ASTN2: variants seen among roughly 807,000 people sequenced by gnomAD.
ASTN2 encodes astrotactin 2, also known as astrotactin-2.
ASTN2 carries 54 observed loss-of-function variants against 139.8 expected under a neutral mutation model. The ratio of observed to expected loss-of-function variants is 0.39; its 90% CI spans 0.31 to 0.48. The LOEUF (loss-of-function observed/expected upper bound fraction) is 0.48. Ranked by LOEUF, ASTN2 falls within the 20% of genes least tolerant of loss-of-function variation. The pLI, the probability that ASTN2 is intolerant of heterozygous loss-of-function variation, is 0.95. For synonymous variants in ASTN2, 756 were observed against 719.5 expected (o/e 1.05, Z -0.81); for missense variants, 1,565 against 1,725.1 (o/e 0.91, Z 1.64).
intron 1 of ASTN2, among the ~76,000 whole-genome samples, chr9:117,355,509 T>G (rs958221131): frequency 6.6e-6 from 1 of 152,082 alleles, no homozygotes; most frequent in Admixed American, 6.6e-5. Flanking sequence ...CCACATGTAA[T>G]GTACTGAGCT....
At chr9:116,839,878 A>T (rs1338681410) in intron 11 of ASTN2, among the ~76,000 whole-genome samples, 16 of 104,764 alleles carry the variant, frequency 1.5e-4, no homozygotes, top group African/African-American at 2.5e-4. Context: ...TATTATTATT[A>T]TTATTTTTTT....
chr9:117,310,871 G>T (rs570106003), intron 1 of ASTN2, among the ~76,000 whole-genome samples: 1 of 152,080 alleles, frequency 6.6e-6, no homozygotes, highest in East Asian at 1.9e-4. Flanking sequence ...CAATCTTCCC[G>T]CCTTGGTTTC....
intron 1 of ASTN2, among the ~76,000 whole-genome samples, chr9:117,386,669 G>T (rs1345239870): frequency 6.6e-6 from 1 of 152,094 alleles, no homozygotes; most frequent in Non-Finnish European, 1.5e-5. Context: ...TCCTAGGACG[G>T]CAAGGTCCCA....
chr9:116,907,802 G>T (rs542686107), intron 10 of ASTN2, among the ~76,000 whole-genome samples: 1 of 152,304 alleles, frequency 6.6e-6, no homozygotes, highest in Non-Finnish European at 1.5e-5. Context: ...GTAAGGTGCT[G>T]CAGGAAAATC....
At chr9:117,287,923 T>C (rs1009593161) in intron 2 of ASTN2, among the ~76,000 whole-genome samples, 3 of 152,144 alleles carry the variant, frequency 2.0e-5, no homozygotes, top group African/African-American at 7.2e-5. Context: ...AATAATTCTG[T>C]GAGATTGGTA....
intron 13 of ASTN2, among the ~76,000 whole-genome samples, chr9:116,796,599 C>G (rs1216710910): frequency 1.3e-5 from 2 of 152,140 alleles, no homozygotes; most frequent in Admixed American, 6.6e-5. Flanking sequence ...AATGGCAGAG[C>G]AGTATCAGAA....
At chr9:116,794,510 C>T (rs1298339234) in intron 13 of ASTN2, among the ~76,000 whole-genome samples, 2 of 152,130 alleles carry the variant, frequency 1.3e-5, no homozygotes, top group Admixed American at 1.3e-4. Flanking sequence ...TTGGTTTAGA[C>T]CATGTGCATG....
intron 1 of ASTN2, among the ~76,000 whole-genome samples, chr9:117,377,145 G>C (rs1430374372): frequency 6.6e-6 from 1 of 152,188 alleles, no homozygotes; most frequent in Non-Finnish European, 1.5e-5. Context: ...GAGGTCTTTT[G>C]AACTCCTCGG....
chr9:117,120,012 GTGTGTGTATATATATATATATATA>G (rs1266744986), intron 4 of ASTN2, among the ~76,000 whole-genome samples: 1 of 68,786 alleles, frequency 1.5e-5, no homozygotes, highest in East Asian at 6.5e-4. Context: ...GTGTGTGTGT[GTGTGTGTATATATATATATATATA>G]TATATATATA....
chr9:116,871,178 AATCAGG>A (rs1833155691), intron 10 of ASTN2, among the ~76,000 whole-genome samples: 7 of 152,186 alleles, frequency 4.6e-5, no homozygotes, highest in African/African-American at 1.7e-4. Context: ...GAATCGCTTG[AATCAGG>A]GAGGCAGAGG....
intron 1 of ASTN2, among the ~76,000 whole-genome samples, chr9:117,295,110 C>T (rs1421745443): frequency 1.3e-5 from 2 of 152,044 alleles, no homozygotes; most frequent in Admixed American, 1.3e-4. Context: ...TCACTTGAAG[C>T]CAGGCATTTG....
rs142804658 is a variant in ASTN2, at chr9:116,651,593, C to A, written c.3007G>T (p.Val1003Leu). 4 of 1,614,074 alleles carry A rather than the reference C, an allele frequency of 2.5e-6. No homozygotes were observed. The highest frequency in any genetic ancestry group is 2.7e-5 in the African/African-American group (2 of 74,936). The change falls in exon 17 of 23, where the codon GTG becomes TTG. Residue 1003 changes from valine to leucine, a missense_variant. Val to Leu is a conservative substitution (Grantham distance 32). Around this residue, in one of 4 missense-constraint regions of ASTN2, gnomAD observed 418 missense variants for 465.8 expected, o/e 0.90. Coordinates refer to ENST00000313400, the MANE Select transcript of ASTN2 (RefSeq NM_001365068.1). ...ACCACACGGTTGATTTCCAGCAGCA[C>A]TGGTGTGGGGCTCAGCTGCTCCTTG... The part of the protein sequence containing the change: ...PGKEQLSPTP[V>L]LLEINRVVPL...
chr9:117,355,013 G>GT (rs747737476), intron 1 of ASTN2, among the ~76,000 whole-genome samples: 12 of 151,680 alleles, frequency 7.9e-5, no homozygotes, highest in South Asian at 4.2e-4. Flanking sequence ...TCCTTGTCCT[G>GT]TTTTTTTTAA....
Position 116,464,194 on chromosome 9 carries a change from A to AAT in ASTN2, c.3498-21643_3498-21642dup, listed in dbSNP as rs1017331177. On this transcript the variant is annotated intron_variant, in intron 20 of 22. Transcript: ENST00000313400. ...GTCATAATGTATAGCTATATAAACAAATATATATATATATCTGTATGTCTG... is the reference window on the plus strand; with the variant it reads ...GTCATAATGTATAGCTATATAAACAAATATATATATATATATCTGTATGTCTG... 4.7e-3 allele frequency among the ~76,000 whole-genome samples: 716 copies of AAT among 151,424 alleles called. 5 individuals are homozygous for AAT. Among genetic ancestry groups the AAT allele is most frequent in the Middle Eastern group, 6.8e-3 (2 of 294 alleles).
At chr9:116,820,983 G>A (rs2132270636) in intron 11 of ASTN2, among the ~76,000 whole-genome samples, 200 bp from the exon 12 acceptor site, 1 of 152,314 alleles carries the variant, frequency 6.6e-6, no homozygotes, top group African/African-American at 2.4e-5. Flanking sequence ...CCTGTAAAAT[G>A]GGACTTTTGT....
chr9:116,531,246 C>T (rs1327887284), intron 19 of ASTN2, among the ~76,000 whole-genome samples: 2 of 152,148 alleles, frequency 1.3e-5, no homozygotes, highest in Non-Finnish European at 2.9e-5. Flanking sequence ...AATGGAACCA[C>T]CTTTCATTCG....
chr9:117,152,963 T>A (rs1196512189), intron 3 of ASTN2, among the ~76,000 whole-genome samples: 1 of 152,174 alleles, frequency 6.6e-6, no homozygotes, highest in Admixed American at 6.5e-5. Flanking sequence ...TATGTAATCC[T>A]CATAATGTCC....
chr9:117,401,073 G>A (rs1013144115), intron 1 of ASTN2, among the ~76,000 whole-genome samples: 3 of 152,152 alleles, frequency 2.0e-5, no homozygotes, highest in Admixed American at 6.6e-5. Context: ...TAAGTGCCGG[G>A]TACTGCTGAA....
intron 12 of ASTN2, among the ~76,000 whole-genome samples, chr9:116,810,008 C>A (rs1831123518): frequency 6.6e-6 from 1 of 152,172 alleles, no homozygotes; most frequent in African/African-American, 2.4e-5. Flanking sequence ...GCTTGGAGAC[C>A]ATGCGTTCCC....
Sources: allele counts gnomAD v4.1 joint callset (sites outside exome capture counted in the v4.1 genomes callset), GRCh38; gene constraint gnomAD v4.1.1; regional missense constraint gnomAD v4.1.1; transcripts MANE v1.5; gene names NCBI Gene and HGNC (gene_info 2026-07-23, HGNC 2026-07-21).